The following THRB variants were observed in gnomAD, a reference collection of about 807,000 sequenced individuals.
THRB encodes thyroid hormone receptor beta.
THRB carries 12 observed loss-of-function variants against 47.8 expected under a neutral mutation model. The ratio of observed to expected loss-of-function variants is 0.25; its 90% CI spans 0.16 to 0.41. THRB has a LOEUF of 0.41. Ranked by LOEUF, THRB falls within the 10% of genes least tolerant of loss-of-function variation. The pLI, the probability that THRB is intolerant of heterozygous loss-of-function variation, is 1.00. For missense variants in THRB, 348 were observed against 589.2 expected, an observed-to-expected ratio of 0.59 and a Z score of 4.24; for synonymous variants, 218 against 212.2, an observed-to-expected ratio of 1.03 and a Z score of -0.24.
At chr3:24,185,574 A>C (rs1277131593) in intron 5 of THRB, among the ~76,000 whole-genome samples, 2 of 152,170 alleles carry the variant, frequency 1.3e-5, no homozygotes, top group Admixed American at 6.5e-5. Context: ...AATATTAAGC[A>C]CAGAGACATT....
At chr3:24,216,769 C>G (rs1164916400) in intron 4 of THRB, among the ~76,000 whole-genome samples, 1 of 152,088 alleles carries the variant, frequency 6.6e-6, no homozygotes, top group Non-Finnish European at 1.5e-5. Flanking sequence ...TGTTGAGAAA[C>G]TTAAAGAATT....
At chr3:24,133,897 A>T (rs1255021924) in intron 8 of THRB, among the ~76,000 whole-genome samples, 1 of 152,118 alleles carries the variant, frequency 6.6e-6, no homozygotes, top group Non-Finnish European at 1.5e-5. Context: ...GAGCAGAGCG[A>T]TGGGTGGGCC....
At chr3:24,299,607 C>A (rs980926761) in intron 2 of THRB, among the ~76,000 whole-genome samples, 2 of 151,698 alleles carry the variant, frequency 1.3e-5, no homozygotes, top group Non-Finnish European at 2.9e-5. Flanking sequence ...ATTTCCCCCA[C>A]AATTTTTTAA....
At chr3:24,463,622 T>C (rs1192131660) in intron 1 of THRB, among the ~76,000 whole-genome samples, 3 of 152,196 alleles carry the variant, frequency 2.0e-5, no homozygotes, top group Admixed American at 1.3e-4. Flanking sequence ...CAGGTAAATA[T>C]GTTGCTGCTA....
chr3:24,389,814 G>A (rs2066422401), intron 1 of THRB, among the ~76,000 whole-genome samples: 1 of 152,008 alleles, frequency 6.6e-6, no homozygotes. Context: ...AATAGCTTCA[G>A]CAATAAGCAA....
intron 1 of THRB, among the ~76,000 whole-genome samples, chr3:24,427,333 C>T (rs991756080): frequency 1.3e-5 from 2 of 152,006 alleles, no homozygotes; most frequent in African/African-American, 2.4e-5. Flanking sequence ...CCCTTGACAA[C>T]TTCCTCTCTT....
At chr3:24,389,687 C>T (rs1013898183) in intron 1 of THRB, among the ~76,000 whole-genome samples, 5 of 152,052 alleles carry the variant, frequency 3.3e-5, no homozygotes, top group African/African-American at 1.2e-4. Flanking sequence ...TCTCAATTCC[C>T]CCCCTTTTTT....
chr3:24,326,754 G>GTTTTTTTTTTTTTTT (rs1300726453), intron 2 of THRB, among the ~76,000 whole-genome samples: 1 of 58,966 alleles, frequency 1.7e-5, no homozygotes, highest in Non-Finnish European at 2.8e-5. Flanking sequence ...GTCCAGTCTT[G>GTTTTTTTTTTTTTTT]TCTTTTTTTT....
chr3:24,478,804 C>G (rs12490491), intron 1 of THRB, among the ~76,000 whole-genome samples: 3,544 of 152,188 alleles, frequency 0.023, 75 homozygotes, highest in East Asian at 0.091. Context: ...GCAGCTATAA[C>G]TGATGAAAAG....
chr3:24,129,425 A>G (rs557504491), intron 9 of THRB, among the ~76,000 whole-genome samples: 37 of 152,364 alleles, frequency 2.4e-4, no homozygotes, highest in African/African-American at 7.7e-4. Context: ...AAAGTATGCA[A>G]ACTGGGGCAG....
At chr3:24,195,206 T>C (rs141224886) in intron 4 of THRB, among the ~76,000 whole-genome samples, 46 of 152,328 alleles carry the variant, frequency 3.0e-4, no homozygotes, top group African/African-American at 9.1e-4. Context: ...TAATGTTTGG[T>C]TGAGCATTTA....
chr3:24,318,934 C>A (rs2058300081), intron 2 of THRB, among the ~76,000 whole-genome samples: 1 of 152,178 alleles, frequency 6.6e-6, no homozygotes, highest in Admixed American at 6.5e-5. Context: ...TCCTCAAAAA[C>A]CATTGCACAT....
chr3:24,262,702 T>G (rs187731595), intron 3 of THRB, among the ~76,000 whole-genome samples: 45 of 152,344 alleles, frequency 3.0e-4, no homozygotes, highest in African/African-American at 1.1e-3. Flanking sequence ...TTTTGCCTAA[T>G]CACCCATTTA....
chr3:24,222,738 A>G (rs1342946979), intron 4 of THRB, among the ~76,000 whole-genome samples: 1 of 152,208 alleles, frequency 6.6e-6, no homozygotes, highest in African/African-American at 2.4e-5. Flanking sequence ...AGGGAGGAGC[A>G]AAAAGGCCCC....
At chr3:24,176,215 T>C (rs2041134151) in intron 5 of THRB, among the ~76,000 whole-genome samples, 1 of 152,190 alleles carries the variant, frequency 6.6e-6, no homozygotes, top group Non-Finnish European at 1.5e-5. Flanking sequence ...ACATAGCAAC[T>C]CATTTAATGT....
chr3:24,410,116 A>G (rs2068159265), intron 1 of THRB, among the ~76,000 whole-genome samples: 1 of 151,864 alleles, frequency 6.6e-6, no homozygotes, highest in Non-Finnish European at 1.5e-5. Context: ...TAAAATTCCT[A>G]TGCCTTTCTT....
chr3:24,130,303 G>A (rs2033644870), intron 9 of THRB, among the ~76,000 whole-genome samples: 1 of 152,182 alleles, frequency 6.6e-6, no homozygotes, highest in Admixed American at 6.6e-5. Context: ...AAAGTTCCAC[G>A]TTGACCCCTC....
At chr3:24,127,172 T>C (rs1316450266) in intron 10 of THRB, among the ~76,000 whole-genome samples, 1 of 152,200 alleles carries the variant, frequency 6.6e-6, no homozygotes, top group African/African-American at 2.4e-5. Flanking sequence ...CACATCCATA[T>C]CTGGCATACC....
chr3:24,127,780 A>G (rs1326777909), intron 9 of THRB, 23 bp from the exon 10 acceptor site: 1 of 1,614,212 alleles, frequency 6.2e-7, no homozygotes, highest in Admixed American at 1.7e-5. Flanking sequence ...AGTTCATGTC[A>G]GCAAAGAACA....
Sources: gnomAD v4.1 joint callset for allele counts (sites outside exome capture counted in the v4.1 genomes callset) on GRCh38, gnomAD v4.1.1 for gene constraint, MANE v1.5 for transcripts, NCBI Gene and HGNC (gene_info 2026-07-23, HGNC 2026-07-21) for gene names.